SUSD1: variants seen among roughly 807,000 people sequenced by gnomAD.
The protein encoded by SUSD1 is sushi domain-containing protein 1.
Under a neutral mutation model 86.9 loss-of-function variants are expected in SUSD1, and 65 were observed. The ratio of observed to expected loss-of-function variants is 0.75; its 90% CI spans 0.61 to 0.92. The LOEUF is 0.92. SUSD1 is among the 40% of genes least tolerant of loss of function. The pLI, the probability that SUSD1 is intolerant of heterozygous loss-of-function variation, is 0.00. For synonymous variants in SUSD1, 346 were observed against 350.0 expected (o/e 0.99, Z 0.13); for missense variants, 850 against 929.7 (o/e 0.91, Z 1.11).
chr9:112,092,424 A>G (rs1342037274), intron 10 of SUSD1, among the ~76,000 whole-genome samples: 1 of 152,218 alleles, frequency 6.6e-6, no homozygotes, highest in Non-Finnish European at 1.5e-5. Flanking sequence ...TTAATGTTGA[A>G]AAAGAATTGT....
intron 15 of SUSD1, among the ~76,000 whole-genome samples, chr9:112,044,768 G>A (rs1037645811): frequency 3.9e-5 from 6 of 152,136 alleles, no homozygotes; most frequent in South Asian, 2.1e-4. Flanking sequence ...AAGCATATTC[G>A]TTAACACAGA....
At chr9:112,166,361 GAC>G (rs1334385631) in intron 1 of SUSD1, among the ~76,000 whole-genome samples, 6 of 152,162 alleles carry the variant, frequency 3.9e-5, no homozygotes. Context: ...TGCAAACCAA[GAC>G]AGCTGGTCAT....
intron 10 of SUSD1, among the ~76,000 whole-genome samples, chr9:112,088,348 G>T (rs762904829): frequency 3.3e-5 from 5 of 152,184 alleles, no homozygotes; most frequent in African/African-American, 4.8e-5. Flanking sequence ...ATATATAAAT[G>T]CTATATGTTT....
intron 10 of SUSD1, among the ~76,000 whole-genome samples, chr9:112,096,743 T>C (rs1830411954): frequency 6.6e-6 from 1 of 152,150 alleles, no homozygotes; most frequent in African/African-American, 2.4e-5. Context: ...TTTCACTATG[T>C]TGCCCAGGCT....
At chr9:112,042,836 A>G (rs1827799882) in intron 15 of SUSD1, among the ~76,000 whole-genome samples, 2 of 152,196 alleles carry the variant, frequency 1.3e-5, no homozygotes, top group Non-Finnish European at 2.9e-5. Flanking sequence ...GGTTAAGAGG[A>G]GTGCATTTCT....
At chr9:112,147,000 G>A (rs1163584257) in intron 3 of SUSD1, among the ~76,000 whole-genome samples, 1 of 152,102 alleles carries the variant, frequency 6.6e-6, no homozygotes, top group Admixed American at 6.6e-5. Context: ...TAAATATACA[G>A]TTGTAAGTTT....
chr9:112,145,121 A>G (rs115887367), intron 3 of SUSD1, among the ~76,000 whole-genome samples: 1,598 of 152,206 alleles, frequency 0.01, 27 homozygotes, highest in African/African-American at 0.036. Flanking sequence ...ACATAGTTCA[A>G]TTCCACTTGG....
intron 1 of SUSD1, among the ~76,000 whole-genome samples, chr9:112,160,702 T>C (rs530359759): frequency 6.6e-6 from 1 of 151,924 alleles, no homozygotes; most frequent in Non-Finnish European, 1.5e-5. Flanking sequence ...GAAAAAGAGA[T>C]GGATGCATGG....
chr9:112,137,852 A>G (rs547036248), intron 5 of SUSD1: 165 of 152,262 alleles, frequency 1.1e-3, no homozygotes, highest in African/African-American at 3.7e-3. Context: ...GACTAGCATG[A>G]TCCCTGTGCA....
chr9:112,057,647 C>T (rs571265034), intron 14 of SUSD1, among the ~76,000 whole-genome samples: 2 of 152,338 alleles, frequency 1.3e-5, no homozygotes, highest in South Asian at 2.1e-4. Context: ...TGACACATTA[C>T]ATTTGCATCC....
chr9:112,155,004 A>G (rs184304757), intron 2 of SUSD1, among the ~76,000 whole-genome samples: 2 of 152,178 alleles, frequency 1.3e-5, no homozygotes, highest in East Asian at 3.9e-4. Flanking sequence ...TAATCCCAGC[A>G]CTTTGGGAGT....
At chr9:112,046,036 T>C (rs1282100220) in intron 15 of SUSD1, among the ~76,000 whole-genome samples, 1 of 152,202 alleles carries the variant, frequency 6.6e-6, no homozygotes, top group Non-Finnish European at 1.5e-5. Context: ...TGGAAAATGA[T>C]CTTTATTTAT....
At chr9:112,092,468 T>C (rs1329020222) in intron 10 of SUSD1, among the ~76,000 whole-genome samples, 1 of 152,268 alleles carries the variant, frequency 6.6e-6, no homozygotes, top group Admixed American at 6.5e-5. Flanking sequence ...TGTAACATTA[T>C]GGACAATGCA....
chr9:112,164,875 C>T (rs893619254), intron 1 of SUSD1, among the ~76,000 whole-genome samples: 7 of 152,144 alleles, frequency 4.6e-5, no homozygotes, highest in East Asian at 3.9e-4. Context: ...AGCCGGGAGG[C>T]GGAGGTTGCA....
intron 2 of SUSD1, among the ~76,000 whole-genome samples, chr9:112,150,472 A>C (rs10817270): frequency 0.27 from 40,680 of 151,992 alleles, 6,186 homozygotes; most frequent in African/African-American, 0.41. Context: ...TTCTTATTCA[A>C]CCAAAAGTAC....
rs147451326 is a variant in SUSD1, at chr9:112,088,695, G to A, written c.1475-8530C>T. 7.8e-3 allele frequency among the ~76,000 whole-genome samples: 1,185 copies of A among 152,330 alleles called. 15 individuals carry two copies. The highest frequency in any genetic ancestry group is 0.027 in the African/African-American group (1,119 of 41,572). ...TAGCCCCAGCTATTTGGGAGGCTGA[G>A]GTCGGAGGATCACTTGAGCCCAGGA... On this transcript the variant is annotated intron_variant, in intron 10 of 16. Transcript: ENST00000374270.
At chr9:112,073,221 A>G (rs536111212) in intron 12 of SUSD1, among the ~76,000 whole-genome samples, 3 of 152,314 alleles carry the variant, frequency 2.0e-5, no homozygotes, top group African/African-American at 7.2e-5. Context: ...AACCGTCTGA[A>G]AAAGTACTTT....
At chr9:112,154,966 C>T (rs556921851) in intron 2 of SUSD1, among the ~76,000 whole-genome samples, 3 of 152,078 alleles carry the variant, frequency 2.0e-5, no homozygotes, top group African/African-American at 7.2e-5. Context: ...AATCAAAGGG[C>T]AGGGCCAGGT....
intron 12 of SUSD1, among the ~76,000 whole-genome samples, chr9:112,064,046 T>TTTTTTTTTTTTTTTTTTTTTGGG (rs1491139474): frequency 6.4e-5 from 5 of 78,648 alleles, no homozygotes; most frequent in African/African-American, 1.2e-4. Flanking sequence ...TTTCTTTTTT[T>TTTTTTTTTTTTTTTTTTTTTGGG]GGGGGGGGGG....
Sources: gnomAD v4.1 joint callset for allele counts (sites outside exome capture counted in the v4.1 genomes callset) on GRCh38, gnomAD v4.1.1 for gene constraint, MANE v1.5 for transcripts, NCBI Gene and HGNC (gene_info 2026-07-23, HGNC 2026-07-21) for gene names.